MGAM2: variants seen among roughly 807,000 people sequenced by gnomAD.
MGAM2 encodes probable maltase-glucoamylase 2.
In MGAM2, 98 loss-of-function variants were observed where a neutral mutation model predicts 96.1. That is an observed-to-expected ratio of 1.02 (90% CI 0.87 to 1.21). The LOEUF (loss-of-function observed/expected upper bound fraction) is 1.21. Ranked by LOEUF, MGAM2 falls within the 50% of genes most tolerant of loss-of-function variation. MGAM2 has a pLI of 0.00. For missense variants in MGAM2, 2,055 were observed against 1,182.4 expected (o/e 1.74, Z -10.82); for synonymous variants, 749 against 414.8 (o/e 1.81, Z -9.79).
chr7:142,221,847 A>G lies in MGAM2; in HGVS notation c.7336A>G (p.Ile2446Val), dbSNP rs944462782. 1.0e-5 allele frequency: 4 copies of G among 400,292 alleles called. No individual in the cohort carries two copies. The highest frequency in any genetic ancestry group is 4.1e-5 in the African/African-American group (2 of 48,622). 24.8% of individuals were successfully genotyped at this position (400,292 alleles called of 1,614,324 possible). Residue 2446 changes from isoleucine (I) to valine (V), a missense_variant, in exon 48 of 48, where the codon ATA becomes GTA. Coordinates refer to ENST00000477922, the MANE Select transcript of MGAM2 (RefSeq NM_001293626.2). Reference sequence around the variant, plus strand: ...AAATCTCACAACAGCCTCAGTCACAATAACAGCCACTGGTCTAGATTCACA... The same window carrying G: ...AAATCTCACAACAGCCTCAGTCACAGTAACAGCCACTGGTCTAGATTCACA... ...VSNLTTASVT[I>V]TATGLDSQTP...
chr7:142,128,923 C>T (rs1331422066), intron 3 of MGAM2, among the ~76,000 whole-genome samples: 1 of 152,224 alleles, frequency 6.6e-6, no homozygotes, highest in Admixed American at 6.5e-5. Flanking sequence ...CCACTGTCCT[C>T]CAGCCCCCAG....
At chr7:142,118,822 AC>A (rs1474000814) in intron 2 of MGAM2, among the ~76,000 whole-genome samples, 1 of 152,242 alleles carries the variant, frequency 6.6e-6, no homozygotes, top group East Asian at 1.9e-4. Flanking sequence ...TCTCTACCTG[AC>A]AACATATATA....
At chr7:142,179,554 T>C (rs1017901118) in intron 32 of MGAM2, among the ~76,000 whole-genome samples, 3 of 152,162 alleles carry the variant, frequency 2.0e-5, no homozygotes, top group Non-Finnish European at 4.4e-5. Flanking sequence ...TTCTTAAGGG[T>C]TTTATCATGA....
At chr7:142,126,466 T>C (rs1370690992) in intron 3 of MGAM2, among the ~76,000 whole-genome samples, 1 of 151,922 alleles carries the variant, frequency 6.6e-6, no homozygotes, top group Non-Finnish European at 1.5e-5. Flanking sequence ...GGATATTTTA[T>C]TCCTCAAATC....
chr7:142,217,155 T>G (rs963082521), intron 46 of MGAM2, among the ~76,000 whole-genome samples: 2 of 152,214 alleles, frequency 1.3e-5, no homozygotes, highest in Non-Finnish European at 2.9e-5. Context: ...TGATTTTCAT[T>G]TGGGCCTTCA....
chr7:142,148,167 C>T lies in MGAM2; in HGVS notation c.1634+594C>T, dbSNP rs1035520772. Among the ~76,000 whole-genome samples, 1 of 151,626 alleles carries T rather than the reference C, an allele frequency of 6.6e-6. No individual in the cohort carries two copies. Among genetic ancestry groups the T allele is most frequent in the Non-Finnish European group, 1.5e-5 (1 of 67,866 alleles). The stretch of plus-strand genomic sequence containing the variant: ...CATTACCTAACACCATCACCATTGT[C>T]ATAACCACACCATTACTACCACCAT... On this transcript the variant is annotated intron_variant, in intron 15 of 47. Coordinates refer to ENST00000477922, the MANE Select transcript of MGAM2 (RefSeq NM_001293626.2). This position sits in a 1 kb window ranked among gnomAD's most constrained non-coding sequence, Gnocchi z 4.2.
At chr7:142,112,569 CT>C (rs1377765404) in intron 1 of MGAM2, among the ~76,000 whole-genome samples, 3 of 152,150 alleles carry the variant, frequency 2.0e-5, no homozygotes, top group Non-Finnish European at 4.4e-5. Flanking sequence ...CTACTTCTTT[CT>C]CTACCTGAAA....
At chr7:142,125,344 G>T (rs1462623571) in intron 3 of MGAM2, among the ~76,000 whole-genome samples, 1 of 152,154 alleles carries the variant, frequency 6.6e-6, no homozygotes, top group Non-Finnish European at 1.5e-5. Context: ...GGTAATGGTT[G>T]AAAACTGAAG....
chr7:142,156,314 T>A (rs775538826), intron 17 of MGAM2, among the ~76,000 whole-genome samples: 41 of 152,236 alleles, frequency 2.7e-4, no homozygotes, highest in Non-Finnish European at 4.7e-4. Flanking sequence ...CTATTTTATA[T>A]CCTTTTCATT....
rs562125554 is a variant in MGAM2, at chr7:142,222,204, C to G, written c.*145C>G. 7.6e-6 allele frequency: 3 copies of G among 395,022 alleles called. No individual in the cohort carries two copies. The highest frequency in any genetic ancestry group is 3.6e-5 in the East Asian group (1 of 27,968). The allele number at this position is 395,022 out of a possible 1,614,324, so 24.5% of individuals were successfully genotyped here. On this transcript the variant is annotated 3_prime_UTR_variant, in exon 48 of 48. Coordinates refer to ENST00000477922, the MANE Select transcript of MGAM2 (RefSeq NM_001293626.2). ...AGTACTCTAGCCATAAAAGACACAG[C>G]TACTCCAAACACTCTCGTCATTGCA...
Position 142,175,663 on chromosome 7 carries a change from T to C in MGAM2, c.3699T>C (p.His1233=). 1 of 702,820 alleles carries C rather than the reference T, an allele frequency of 1.4e-6. No individual in the cohort carries two copies. Among genetic ancestry groups the C allele is most frequent in the South Asian group, 1.5e-5 (1 of 67,592 alleles). The allele number at this position is 702,820 out of a possible 1,614,324, so 43.5% of individuals were successfully genotyped here. The change falls in exon 32 of 48, where the codon CAT becomes CAC. Residue 1233 remains histidine (H), a synonymous_variant. Transcript: ENST00000477922. Reference sequence around the variant, plus strand: ...GCTTCTTTCTGCAGGACGTCCAGCATGTAGACATCGATTACATGAACCGGA... The same window carrying C: ...GCTTCTTTCTGCAGGACGTCCAGCACGTAGACATCGATTACATGAACCGGA... The part of the protein sequence containing the change: ...VAAQIPYDVQ[H]VDIDYMNRKL...
chr7:142,175,505 A>G, intron 31 of MGAM2, 147 bp from the exon 32 acceptor site: 1 of 583,162 alleles, frequency 1.7e-6, no homozygotes, highest in South Asian at 2.1e-5. Context: ...TTGAAAAGTC[A>G]GCAGAGGGAA....
At chr7:142,159,453 A>T in intron 20 of MGAM2, 110 bp downstream of exon 20, 1 of 637,384 alleles carries the variant, frequency 1.6e-6, no homozygotes, top group South Asian at 1.8e-5. Flanking sequence ...ATTTATAGTT[A>T]GTTGATTGTG....
At chr7:142,174,715 C>CTTTTTTTTTTTTTTTTTTTTGTTTTT (rs34480300) in intron 31 of MGAM2, among the ~76,000 whole-genome samples, 1 of 85,460 alleles carries the variant, frequency 1.2e-5, no homozygotes, top group African/African-American at 5.7e-5. Flanking sequence ...CTCTCTCTCT[C>CTTTTTTTTTTTTTTTTTTTTGTTTTT]TTTTTTTTTT....
At chr7:142,165,270 C>T (rs985049412) in intron 24 of MGAM2, among the ~76,000 whole-genome samples, 5 of 151,936 alleles carry the variant, frequency 3.3e-5, no homozygotes, top group Non-Finnish European at 7.4e-5. Context: ...CTTCTCTGGG[C>T]GCAGTTAAAA....
intron 9 of MGAM2, among the ~76,000 whole-genome samples, chr7:142,137,940 T>C (rs6959704): frequency 0.44 from 66,215 of 152,084 alleles, 15,124 homozygotes; most frequent in African/African-American, 0.58. Context: ...TGAGGTTGGC[T>C]GCAGTGGCTC....
Position 142,182,583 on chromosome 7 carries a change from A to G in MGAM2, c.3817-683A>G, listed in dbSNP as rs115742436. ...ACAGGCTTGAGCTCTGCCTCTGCCT[A>G]CTCTCCAGGCAGTTTCTCTTGCCAA... On this transcript the variant is annotated intron_variant, in intron 32 of 47. Coordinates refer to ENST00000477922, the MANE Select transcript of MGAM2 (RefSeq NM_001293626.2). Among the ~76,000 whole-genome samples the G allele has an allele frequency of 4.1e-3, 629 of 152,164 alleles. 5 individuals carry two copies. Among genetic ancestry groups the G allele is most frequent in the African/African-American group, 0.014 (594 of 41,528 alleles).
intron 31 of MGAM2, among the ~76,000 whole-genome samples, chr7:142,174,534 T>C (rs750064552): frequency 6.6e-6 from 1 of 151,982 alleles, no homozygotes; most frequent in Non-Finnish European, 1.5e-5. Context: ...TCCTGAGACT[T>C]TGCTGAAGTT....
chr7:142,117,966 T>G (rs1392010657), intron 2 of MGAM2, among the ~76,000 whole-genome samples: 1 of 151,564 alleles, frequency 6.6e-6, no homozygotes, highest in East Asian at 1.9e-4. Context: ...TGAAGATGTA[T>G]TTCCATGGGT....
Sources: gnomAD v4.1 joint callset for allele counts (sites outside exome capture counted in the v4.1 genomes callset) on GRCh38, gnomAD v4.1.1 for gene constraint, Gnocchi (gnomAD v3.1) non-coding constraint, MANE v1.5 for transcripts, NCBI Gene and HGNC (gene_info 2026-07-23, HGNC 2026-07-21) for gene names.